Variants in RGPD2 observed in about 807,000 individuals in gnomAD.
RGPD2 encodes the protein RANBP2 like and GRIP domain containing 2.
RGPD2 carries 2 observed loss-of-function variants against 36.0 expected under a neutral mutation model. That is an observed-to-expected ratio of 0.06 (90% CI 0.02 to 0.17). The LOEUF is 0.17. RGPD2 is among the 10% of genes least tolerant of loss of function. The pLI, the probability that RGPD2 is intolerant of heterozygous loss-of-function variation, is 1.00. For missense variants in RGPD2, 40 were observed against 464.3 expected, an observed-to-expected ratio of 0.09 and a Z score of 8.40; for synonymous variants, 19 against 163.8, an observed-to-expected ratio of 0.12 and a Z score of 6.75.
the RGPD2 span, among the ~76,000 whole-genome samples, chr2:87,961,450 C>G: frequency 6.6e-6 from 1 of 151,868 alleles, no homozygotes; most frequent in African/African-American, 2.4e-5. Context: ...CCTGTAATCC[C>G]AACACTTTGG....
the RGPD2 span, among the ~76,000 whole-genome samples, chr2:87,986,199 G>A: frequency 7.1e-4 from 105 of 148,254 alleles, no homozygotes; most frequent in Admixed American, 1.2e-3. Context: ...GCTGTGGTGC[G>A]GTCTTGGCAC....
At chr2:87,876,977 T>TA in the RGPD2 span, among the ~76,000 whole-genome samples, 4 of 152,396 alleles carry the variant, frequency 2.6e-5, no homozygotes, top group East Asian at 1.9e-4. Flanking sequence ...GTCTTTTTTT[T>TA]ATCTTTCTTG....
intron 22 of RGPD2, among the ~76,000 whole-genome samples, chr2:87,760,615 CTCT>C (rs1289319752): frequency 1.5e-4 from 2 of 12,906 alleles, no homozygotes; most frequent in Admixed American, 1.4e-3. Context: ...CTGTTTCTTT[CTCT>C]TTTTTTTTTT....
the RGPD2 span, among the ~76,000 whole-genome samples, chr2:87,870,207 A>G: frequency 0.014 from 2,091 of 152,286 alleles, 1 homozygote; most frequent in Non-Finnish European, 0.02. Context: ...TAGCCATGTA[A>G]AGACTGCCAG....
chr2:87,921,957 AG>A, the RGPD2 span, among the ~76,000 whole-genome samples: 2 of 151,090 alleles, frequency 1.3e-5, no homozygotes, highest in Non-Finnish European at 2.9e-5. Flanking sequence ...TTGATGGTCA[AG>A]GTGATGTAAG....
the RGPD2 span, among the ~76,000 whole-genome samples, chr2:87,967,902 AAGTTT>A: frequency 2.1e-5 from 3 of 145,418 alleles, no homozygotes; most frequent in African/African-American, 7.9e-5. Context: ...ATGACATCAA[AAGTTT>A]AAAAAGTTGA....
chr2:87,886,940 G>A, the RGPD2 span, among the ~76,000 whole-genome samples: 2 of 151,460 alleles, frequency 1.3e-5, no homozygotes, highest in African/African-American at 2.4e-5. Flanking sequence ...AATCTACCTG[G>A]GATATGCCTG....
the RGPD2 span, among the ~76,000 whole-genome samples, chr2:87,962,310 G>A: frequency 3.9e-5 from 6 of 152,166 alleles, no homozygotes; most frequent in South Asian, 2.1e-4. Flanking sequence ...TATCAAATGC[G>A]TTGATATTTT....
At chr2:87,913,758 A>G in the RGPD2 span, among the ~76,000 whole-genome samples, 2 of 152,150 alleles carry the variant, frequency 1.3e-5, no homozygotes, top group East Asian at 3.9e-4. Flanking sequence ...CAGTTGAGAA[A>G]GCATTTTTTA....
the RGPD2 span, among the ~76,000 whole-genome samples, chr2:87,986,136 C>CTTTTTT: frequency 6.8e-5 from 6 of 88,496 alleles, 1 homozygote; most frequent in Non-Finnish European, 6.5e-5. Flanking sequence ...CTGAAGACAG[C>CTTTTTT]TTTTTTTTTT....
the RGPD2 span, among the ~76,000 whole-genome samples, chr2:87,867,153 C>T: frequency 1.3e-5 from 2 of 149,862 alleles, no homozygotes; most frequent in African/African-American, 4.9e-5. Flanking sequence ...CCTTTTTGTC[C>T]CAAACTCAAT....
At chr2:87,832,284 T>C in the RGPD2 span, among the ~76,000 whole-genome samples, 3 of 149,412 alleles carry the variant, frequency 2.0e-5, no homozygotes, top group Non-Finnish European at 3.0e-5. Flanking sequence ...ATGGTTGACT[T>C]GAACCTACCT....
intron 22 of RGPD2, among the ~76,000 whole-genome samples, chr2:87,763,433 A>G (rs1420780674): frequency 1.5e-5 from 2 of 135,100 alleles, no homozygotes; most frequent in Non-Finnish European, 3.2e-5. Context: ...CTGGGATTAC[A>G]GGAGTGAGCC....
At chr2:87,886,493 G>A in the RGPD2 span, among the ~76,000 whole-genome samples, 91 of 151,954 alleles carry the variant, frequency 6.0e-4, 1 homozygote, top group Middle Eastern at 3.4e-3. Flanking sequence ...CTTAAATTTA[G>A]TAGACACTTA....
chr2:87,962,164 A>G, the RGPD2 span, among the ~76,000 whole-genome samples: 2 of 149,084 alleles, frequency 1.3e-5, no homozygotes, highest in Non-Finnish European at 3.0e-5. Flanking sequence ...AAATCTTCAA[A>G]AATGTCTATT....
At chr2:87,884,594 A>G in the RGPD2 span, among the ~76,000 whole-genome samples, 1 of 151,774 alleles carries the variant, frequency 6.6e-6, no homozygotes, top group Admixed American at 6.6e-5. Flanking sequence ...ATAACATCAT[A>G]AATGAAGAAT....
chr2:87,867,283 A>G, the RGPD2 span, among the ~76,000 whole-genome samples: 2 of 152,086 alleles, frequency 1.3e-5, no homozygotes, highest in African/African-American at 4.8e-5. Context: ...TGCTTCATGG[A>G]AGGAGGCCAT....
chr2:87,893,500 C>T, the RGPD2 span, among the ~76,000 whole-genome samples: 13 of 135,122 alleles, frequency 9.6e-5, no homozygotes, highest in Admixed American at 8.4e-4. Context: ...ATTATGTAAG[C>T]CTAATAAAGC....
At chr2:87,861,830 A>G in the RGPD2 span, among the ~76,000 whole-genome samples, 1 of 120,374 alleles carries the variant, frequency 8.3e-6, no homozygotes, top group Non-Finnish European at 1.7e-5. Flanking sequence ...ATCATTGATT[A>G]TGTCAATTTA....
Sources: allele counts gnomAD v4.1 joint callset (sites outside exome capture counted in the v4.1 genomes callset), GRCh38; gene constraint gnomAD v4.1.1; transcripts MANE v1.5; gene names NCBI Gene and HGNC (gene_info 2026-07-23, HGNC 2026-07-21).